The following PALLD variants were observed in gnomAD, a reference collection of about 807,000 sequenced individuals.
The protein encoded by PALLD is palladin.
In PALLD, 61 loss-of-function variants were observed where a neutral mutation model predicts 123.5. The ratio of observed to expected loss-of-function variants is 0.49; its 90% CI spans 0.40 to 0.61. The LOEUF (loss-of-function observed/expected upper bound fraction) is 0.61. Ranked by LOEUF, PALLD falls within the 20% of genes least tolerant of loss-of-function variation. The pLI is 0.00. For synonymous variants in PALLD, 465 were observed against 496.4 expected (o/e 0.94, Z 0.84); for missense variants, 1,273 against 1,377.0 (o/e 0.92, Z 1.20).
At chr4:168,720,657 T>C (rs536633022) in intron 10 of PALLD, among the ~76,000 whole-genome samples, 3 of 152,310 alleles carry the variant, frequency 2.0e-5, no homozygotes, top group Admixed American at 1.3e-4. Context: ...TGCATTTGCA[T>C]TTCTCTTCCT....
intron 2 of PALLD, among the ~76,000 whole-genome samples, chr4:168,640,114 C>T (rs552778109): frequency 2.0e-5 from 3 of 152,252 alleles, no homozygotes; most frequent in African/African-American, 4.8e-5. Flanking sequence ...TCCGTTGGTG[C>T]GGCCAACTTT....
At chr4:168,873,064 C>A (rs1192021144) in intron 10 of PALLD, among the ~76,000 whole-genome samples, 1 of 152,148 alleles carries the variant, frequency 6.6e-6, no homozygotes, top group East Asian at 1.9e-4. Context: ...ACTTACCTAC[C>A]TTCATTTGAA....
At chr4:168,889,428 T>C (rs890673583) in intron 10 of PALLD, among the ~76,000 whole-genome samples, 2 of 152,034 alleles carry the variant, frequency 1.3e-5, no homozygotes, top group Non-Finnish European at 2.9e-5. Flanking sequence ...TCTCCCAAAG[T>C]GCTGGGAATA....
At chr4:168,685,431 C>A in intron 5 of PALLD, 54 bp from the exon 6 acceptor site, 1 of 1,186,890 alleles carries the variant, frequency 8.4e-7, no homozygotes. Flanking sequence ...TTCAGCCCAT[C>A]TTTTAGGCAA....
At chr4:168,774,292 T>A (rs1734857863) in intron 10 of PALLD, among the ~76,000 whole-genome samples, 1 of 152,170 alleles carries the variant, frequency 6.6e-6, no homozygotes. Context: ...ACTTACATCC[T>A]TGTGGATTTT....
At chr4:168,915,582 C>T (rs1346149075) in intron 16 of PALLD, among the ~76,000 whole-genome samples, 1 of 151,990 alleles carries the variant, frequency 6.6e-6, no homozygotes, top group Admixed American at 6.6e-5. Context: ...AATAAATGAG[C>T]AATAATGCTA....
chr4:168,611,988 C>T (rs568224287), intron 2 of PALLD, among the ~76,000 whole-genome samples: 1 of 152,102 alleles, frequency 6.6e-6, no homozygotes, highest in African/African-American at 2.4e-5. Context: ...GGCAAAACCC[C>T]ATCTCAACAA....
Position 168,628,419 on chromosome 4 carries a change from G to A in PALLD, c.909-39771G>A, listed in dbSNP as rs141449387. 3.0e-3 allele frequency among the ~76,000 whole-genome samples: 451 copies of A among 152,226 alleles called. 2 individuals are homozygous for A. Among genetic ancestry groups the A allele is most frequent in the African/African-American group, 0.01 (429 of 41,540 alleles). On this transcript the variant is annotated intron_variant, in intron 2 of 21. Transcript: ENST00000505667. ...GGTTTAGCGGGTCCTACACCATCTG[G>A]CTGTCCTGTCTCTCTGACTTCATAT...
chr4:168,832,127 G>T, intron 10 of PALLD: 2 of 981,378 alleles, frequency 2.0e-6, no homozygotes, highest in Non-Finnish European at 2.4e-6. Flanking sequence ...CGCTCGCTCC[G>T]GACGCGGAAT....
At chr4:168,770,358 G>C (rs1348745395) in intron 10 of PALLD, among the ~76,000 whole-genome samples, 1 of 152,176 alleles carries the variant, frequency 6.6e-6, no homozygotes, top group Non-Finnish European at 1.5e-5. Flanking sequence ...CCTGAGAATA[G>C]CTGGGCTATT....
At position 168,889,756 on chromosome 4, in the gene PALLD, TA is replaced by T. The variant is rs35693274; in HGVS notation, c.1965-1162del. On this transcript the variant is annotated intron_variant, in intron 10 of 21. Transcript: ENST00000505667. The stretch of plus-strand genomic sequence containing the variant: ...TGCATGTAACACCTAGAGAACTTGT[TA>T]AAACACAGATTGCTGGGCCCCAACT... 6.0e-3 allele frequency among the ~76,000 whole-genome samples: 912 copies of T among 152,304 alleles called. 4 individuals are homozygous for T. The highest frequency in any genetic ancestry group is 0.014 in the Middle Eastern group (4 of 294).
At chr4:168,835,946 G>A (rs1745120469) in intron 10 of PALLD, among the ~76,000 whole-genome samples, 2 of 152,220 alleles carry the variant, frequency 1.3e-5, no homozygotes, top group East Asian at 3.9e-4. Context: ...AGAGCCTGAG[G>A]TGTCAGGGAA....
At chr4:168,868,264 G>A (rs577715355) in intron 10 of PALLD, among the ~76,000 whole-genome samples, 3 of 152,274 alleles carry the variant, frequency 2.0e-5, no homozygotes, top group East Asian at 3.9e-4. Flanking sequence ...TGCAACCAAG[G>A]GCAAGAGGAT....
In PALLD at chr4:168,583,169, A is replaced by G. The variant is rs1403095079; in HGVS notation, c.908+70757A>G. Among the ~76,000 whole-genome samples the G allele has an allele frequency of 5.9e-5, 9 of 152,328 alleles. No individual in the cohort carries two copies. In the East Asian group the frequency reaches 1.7e-3, roughly 29 times the overall value. On this transcript the variant is annotated intron_variant, in intron 2 of 21. Transcript: ENST00000505667. ...ATATGTACAAAACTAAAATAAATAC[A>G]GAGACATTTCTTTTTGTTTTATTAG...
chr4:168,516,036 TCACAC>T, intron 2 of PALLD, among the ~76,000 whole-genome samples: 1 of 152,204 alleles, frequency 6.6e-6, no homozygotes, highest in East Asian at 1.9e-4. Flanking sequence ...CTTCACCCTC[TCACAC>T]TGTGTGAACA....
At chr4:168,557,085 C>T (rs567609125) in intron 2 of PALLD, among the ~76,000 whole-genome samples, 22 of 140,130 alleles carry the variant, frequency 1.6e-4, no homozygotes, top group Admixed American at 5.6e-4. Flanking sequence ...GCTCTGTTGC[C>T]CAGGCTGGAG....
At position 168,924,286 on chromosome 4, in the gene PALLD, T is replaced by C. The variant is rs767384375; in HGVS notation, c.3090T>C (p.Ile1030=). The C allele has an allele frequency of 3.7e-6, 6 of 1,613,876 alleles. No homozygotes were observed. The highest frequency in any genetic ancestry group is 1.7e-5 in the Admixed American group (1 of 60,000). The change falls in exon 19 of 22, where the codon ATT becomes ATC. Residue 1030 remains isoleucine, a synonymous_variant. Transcript: ENST00000505667. The part of the protein sequence containing the change: ...AKEAHKPPVF[I]EKLQNTGVAD... ...AAGCACACAAACCCCCTGTGTTTAT[T>C]GAGAAGCTCCAAAACACAGGAGTTG...
At chr4:168,690,129 C>A (rs1032306825) in intron 6 of PALLD, among the ~76,000 whole-genome samples, 28 of 152,170 alleles carry the variant, frequency 1.8e-4, no homozygotes, top group South Asian at 2.1e-4. Flanking sequence ...ACTAGTCAGG[C>A]AGAGGTGGTA....
chr4:168,576,108 T>A (rs1363036985), intron 2 of PALLD, among the ~76,000 whole-genome samples: 2 of 152,292 alleles, frequency 1.3e-5, no homozygotes, highest in South Asian at 2.1e-4. Context: ...ATATATTTTT[T>A]AAAGTATCAT....
Sources: gnomAD v4.1 joint callset for allele counts (sites outside exome capture counted in the v4.1 genomes callset) on GRCh38, gnomAD v4.1.1 for gene constraint, MANE v1.5 for transcripts, NCBI Gene and HGNC (gene_info 2026-07-23, HGNC 2026-07-21) for gene names.